DTNBP1: variants seen among roughly 807,000 people sequenced by gnomAD.
The protein encoded by DTNBP1 is dystrobrevin binding protein 1.
In DTNBP1, 35 loss-of-function variants were observed where a neutral mutation model predicts 42.8. The observed-to-expected ratio is 0.82, with a 90% confidence interval of 0.63 to 1.09. The LOEUF is 1.09. Among genes scored for constraint, DTNBP1 ranks in the 50% least tolerant of loss-of-function variants. The pLI is 0.00. For synonymous variants in DTNBP1, 171 were observed against 162.2 expected (o/e 1.05, Z -0.41); for missense variants, 457 against 424.2 (o/e 1.08, Z -0.68).
intron 7 of DTNBP1, among the ~76,000 whole-genome samples, chr6:15,542,591 C>T (rs1240748764): frequency 6.6e-6 from 1 of 152,002 alleles, no homozygotes; most frequent in Admixed American, 6.6e-5. Flanking sequence ...AGGATGGTCT[C>T]GATCTCCTGA....
rs755455500 is a variant in DTNBP1, at chr6:15,587,204, A to C, written c.511+5855T>G. On this transcript the variant is annotated intron_variant, in intron 7 of 9. Coordinates refer to ENST00000344537, the MANE Select transcript of DTNBP1 (RefSeq NM_032122.5). The surrounding 1 kb of genome is among the most constrained non-coding windows in gnomAD (Gnocchi z 4.1). ...TGAAATATTAAGGAATAAATTTAAG[A>C]CTCACATATTGAAAACAACAAAACT... Among the ~76,000 whole-genome samples the C allele has an allele frequency of 6.6e-6, 1 of 152,178 alleles. No individual in the cohort carries two copies. The highest frequency in any genetic ancestry group is 1.5e-5 in the Non-Finnish European group (1 of 68,038).
intron 1 of DTNBP1, among the ~76,000 whole-genome samples, chr6:15,655,278 C>A (rs1761218659): frequency 6.6e-6 from 1 of 152,006 alleles, no homozygotes; most frequent in African/African-American, 2.4e-5. Context: ...CACACCAGCA[C>A]ACCCAGCTAG....
At chr6:15,576,262 G>C (rs1385713965) in intron 7 of DTNBP1, among the ~76,000 whole-genome samples, 1 of 151,902 alleles carries the variant, frequency 6.6e-6, no homozygotes, top group Non-Finnish European at 1.5e-5. Context: ...GGGATTACAG[G>C]CACGTACCAC....
intron 7 of DTNBP1, among the ~76,000 whole-genome samples, chr6:15,549,236 G>T (rs1247341976): frequency 6.6e-6 from 1 of 151,954 alleles, no homozygotes; most frequent in Non-Finnish European, 1.5e-5. Flanking sequence ...CCTGTAATCC[G>T]AGCACTTTGG....
chr6:15,662,668 C>T (rs1761716813), intron 1 of DTNBP1, 146 bp downstream of exon 1: 6 of 1,223,320 alleles, frequency 4.9e-6, no homozygotes, highest in Non-Finnish European at 7.0e-6. Context: ...CCGGGAAGTT[C>T]GTTACTTTCC....
At chr6:15,570,531 T>C (rs866069881) in intron 7 of DTNBP1, among the ~76,000 whole-genome samples, 4 of 152,216 alleles carry the variant, frequency 2.6e-5, no homozygotes, top group African/African-American at 9.6e-5. Flanking sequence ...AATCCTGCAT[T>C]TGCATAAATA....
intron 7 of DTNBP1, among the ~76,000 whole-genome samples, chr6:15,551,613 C>A (rs1382659123): frequency 6.6e-6 from 1 of 152,112 alleles, no homozygotes; most frequent in Non-Finnish European, 1.5e-5. Context: ...CCAGGGAGAC[C>A]CAGGCTCTCT....
rs748748058 is a variant in DTNBP1 at position 15,523,983 on chromosome 6, G to A, written c.811+543C>T. ...TGAAATTTGAAACGCACCAAGCCCA[G>A]GTACAGGTCTGGCACCTCAGCCCAT... On this transcript the variant is annotated intron_variant, in intron 9 of 9. Transcript: ENST00000344537. 118 of 1,287,804 alleles carry A rather than the reference G, an allele frequency of 9.2e-5. No homozygotes were observed. In the East Asian group the frequency reaches 2.8e-3, roughly 31 times the overall value. 79.8% of individuals were successfully genotyped at this position (1,287,804 alleles called of 1,614,324 possible). A position where few individuals can be genotyped will look rare whatever the true frequency, so the allele number is the denominator to read the frequency against.
At chr6:15,556,348 A>G (rs1006896024) in intron 7 of DTNBP1, among the ~76,000 whole-genome samples, 3 of 151,828 alleles carry the variant, frequency 2.0e-5, no homozygotes, top group Non-Finnish European at 2.9e-5. Flanking sequence ...AGCCCAGCTA[A>G]TTTTTGTATT....
chr6:15,662,715 G>C (rs1199408378), intron 1 of DTNBP1, 99 bp downstream of exon 1: 1 of 1,526,448 alleles, frequency 6.6e-7, no homozygotes, highest in African/African-American at 1.4e-5. Context: ...GGACAGGACG[G>C]ACCCTGGACC....
chr6:15,585,717 A>G, intron 7 of DTNBP1: 1 of 1,535,214 alleles, frequency 6.5e-7, no homozygotes, highest in South Asian at 1.2e-5. Flanking sequence ...AGTTCCACCT[A>G]CAGGGATCCC....
chr6:15,594,817 A>G (rs1162418977), intron 6 of DTNBP1, among the ~76,000 whole-genome samples: 1 of 151,346 alleles, frequency 6.6e-6, no homozygotes, highest in African/African-American at 2.4e-5. Context: ...TTCTTCTTTT[A>G]GAATGTGTGA....
rs762788672 is a variant in DTNBP1 at position 15,523,200 on chromosome 6, A to G, written c.831T>C (p.Cys277=). 6 of 1,614,080 alleles carry G rather than the reference A, an allele frequency of 3.7e-6. No homozygotes were observed. Among genetic ancestry groups the G allele is most frequent in the East Asian group, 4.5e-5 (2 of 44,904 alleles). ...GAACCTGGAGGGTAATCTCATTCTGACAGGTACTGGATTCAGGCCCTGCAA... is the reference window on the plus strand; with the variant it reads ...GAACCTGGAGGGTAATCTCATTCTGGCAGGTACTGGATTCAGGCCCTGCAA... The part of the protein sequence containing the change: ...SPALGPESST[C]QNEITLQVPN... Residue 277 remains cysteine (C), a synonymous_variant, in exon 10 of 10, where the codon TGT becomes TGC. Transcript: ENST00000344537.
At chr6:15,640,251 T>TATTAC (rs1316532305) in intron 3 of DTNBP1, among the ~76,000 whole-genome samples, 2 of 152,192 alleles carry the variant, frequency 1.3e-5, no homozygotes, top group Non-Finnish European at 2.9e-5. Context: ...ACACAGCAGG[T>TATTAC]ATTACACATC....
chr6:15,618,337 T>C (rs986774665), intron 5 of DTNBP1, among the ~76,000 whole-genome samples: 2 of 151,968 alleles, frequency 1.3e-5, no homozygotes, highest in Admixed American at 1.3e-4. Flanking sequence ...AGAATAGCTA[T>C]TGCCACATGG....
chr6:15,580,860 C>T (rs1775796849), intron 7 of DTNBP1, among the ~76,000 whole-genome samples: 1 of 152,094 alleles, frequency 6.6e-6, no homozygotes, highest in African/African-American at 2.4e-5. Context: ...TCACAGTCAC[C>T]GTTTCTAGAA....
intron 7 of DTNBP1, among the ~76,000 whole-genome samples, chr6:15,568,421 G>A (rs1164413509): frequency 6.6e-6 from 1 of 152,138 alleles, no homozygotes; most frequent in East Asian, 1.9e-4. Flanking sequence ...AAATAAATGT[G>A]TGTGCTTTTC....
At chr6:15,641,280 C>T (rs563667643) in intron 3 of DTNBP1, among the ~76,000 whole-genome samples, 21 of 152,120 alleles carry the variant, frequency 1.4e-4, no homozygotes, top group African/African-American at 5.1e-4. Context: ...CAGTTTTTCT[C>T]AAAAAATAGA....
chr6:15,637,785 C>T lies in DTNBP1; in HGVS notation c.181G>A (p.Ala61Thr). Residue 61 changes from alanine (A) to threonine (T), a missense_variant, in exon 4 of 10, where the codon GCA becomes ACA. Ala to Thr is a moderately conservative substitution (Grantham distance 58). Transcript: ENST00000344537. Reference sequence around the variant, plus strand: ...CAGTCTTTGGCTCTTCTGTGAAGTGCAGCCCATGTATCCTCATACCTAAAA... The same window carrying T: ...CAGTCTTTGGCTCTTCTGTGAAGTGTAGCCCATGTATCCTCATACCTAAAA... ...LLSRYEDTWAALHRRAKDCAS... is the reference protein window; with the variant it reads ...LLSRYEDTWATLHRRAKDCAS... 6.2e-7 allele frequency: 1 copy of T among 1,613,504 alleles called. No individual in the cohort carries two copies. The highest frequency in any genetic ancestry group is 8.5e-7 in the Non-Finnish European group (1 of 1,179,994).
Sources: allele counts gnomAD v4.1 joint callset (sites outside exome capture counted in the v4.1 genomes callset), GRCh38; gene constraint gnomAD v4.1.1; non-coding constraint Gnocchi (gnomAD v3.1); transcripts MANE v1.5; gene names NCBI Gene and HGNC (gene_info 2026-07-23, HGNC 2026-07-21).